The following DACH2 variants were observed in gnomAD, a reference collection of about 807,000 sequenced individuals.
DACH2 encodes dachshund family transcription factor 2, also known as dachshund homolog 2.
Under a neutral mutation model 35.8 loss-of-function variants are expected in DACH2, and 17 were observed. The observed-to-expected ratio is 0.48, with a 90% CI of 0.33 to 0.71. DACH2 has a LOEUF of 0.71. Ranked by LOEUF, DACH2 falls within the 30% of genes least tolerant of loss-of-function variation. DACH2 has a pLI of 0.02. For missense variants in DACH2, 469 were observed against 472.7 expected, an observed-to-expected ratio of 0.99 and a Z score of 0.07; for synonymous variants, 195 against 177.3, an observed-to-expected ratio of 1.10 and a Z score of -0.79.
At chrX:86,474,722 GT>G (rs950645103) in intron 2 of DACH2, among the ~76,000 whole-genome samples, 1 of 111,013 alleles carries the variant, frequency 9.0e-6, no homozygotes, top group Non-Finnish European at 1.9e-5. Context: ...TGTTCTGTTT[GT>G]TTTTTTGTTT....
chrX:86,602,809 G>A (rs1277605582), intron 3 of DACH2, among the ~76,000 whole-genome samples: 1 of 111,084 alleles, frequency 9.0e-6, no homozygotes, highest in Non-Finnish European at 1.9e-5. Flanking sequence ...CCATTCTAAG[G>A]AACAAAACTT....
intron 1 of DACH2, among the ~76,000 whole-genome samples, chrX:86,373,158 A>G (rs141118476): frequency 0.014 from 1,522 of 110,832 alleles, 23 homozygotes; most frequent in African/African-American, 0.046. Context: ...TGTTTTTGGT[A>G]GAAAAATTTA....
At chrX:86,787,045 G>A (rs2042143971) in intron 7 of DACH2, among the ~76,000 whole-genome samples, 1 of 111,700 alleles carries the variant, frequency 9.0e-6, no homozygotes, top group South Asian at 3.7e-4. Flanking sequence ...CTTCTGTCAT[G>A]ATTGTGAGGC....
At chrX:86,591,792 TC>T (rs1171596344) in intron 3 of DACH2, among the ~76,000 whole-genome samples, 2 of 111,186 alleles carry the variant, frequency 1.8e-5, no homozygotes, top group Non-Finnish European at 3.8e-5. Flanking sequence ...CGCCTCAGCC[TC>T]CCAAAGTGCT....
At chrX:86,490,711 T>G (rs1377591774) in intron 2 of DACH2, among the ~76,000 whole-genome samples, 1 of 110,972 alleles carries the variant, frequency 9.0e-6, no homozygotes, top group Non-Finnish European at 1.9e-5. Context: ...AAGTCTGGGA[T>G]AAGGCCTAGG....
At chrX:86,591,821 C>T (rs184262931) in intron 3 of DACH2, among the ~76,000 whole-genome samples, 164 of 111,138 alleles carry the variant, frequency 1.5e-3, no homozygotes, top group Middle Eastern at 4.6e-3. Context: ...TAGGCGTGAA[C>T]CACCGCTCCC....
At chrX:86,208,901 C>A (rs1170970026) in intron 1 of DACH2, among the ~76,000 whole-genome samples, 2 of 111,608 alleles carry the variant, frequency 1.8e-5, no homozygotes, top group African/African-American at 3.3e-5. Flanking sequence ...AGTCCTTCTA[C>A]TATTGCTTTA....
chrX:86,171,711 G>A (rs2748745), intron 1 of DACH2, among the ~76,000 whole-genome samples: 56,462 of 110,262 alleles, frequency 0.51, 12,285 homozygotes, highest in African/African-American at 0.83. Flanking sequence ...ACATGCTGCT[G>A]TTGCTGCTGG....
At chrX:86,245,785 A>C (rs2033268816) in intron 1 of DACH2, among the ~76,000 whole-genome samples, 1 of 112,134 alleles carries the variant, frequency 8.9e-6, no homozygotes, top group African/African-American at 3.2e-5. Context: ...CTTGCCTCCA[A>C]GCAACCACAC....
intron 2 of DACH2, among the ~76,000 whole-genome samples, chrX:86,377,592 A>G (rs751569927): frequency 9.1e-6 from 1 of 110,380 alleles, no homozygotes; most frequent in East Asian, 2.9e-4. Context: ...TGATCCTAAA[A>G]TATATTTTGA....
chrX:86,812,476 A>G (rs12849585), intron 7 of DACH2, among the ~76,000 whole-genome samples: 36,354 of 110,894 alleles, frequency 0.33, 4,820 homozygotes, highest in Non-Finnish European at 0.42. Context: ...TGTTAAAATA[A>G]TCAAGATAAA....
intron 3 of DACH2, among the ~76,000 whole-genome samples, chrX:86,538,329 C>A (rs1444900780): frequency 3.6e-5 from 4 of 111,467 alleles, no homozygotes; most frequent in Non-Finnish European, 3.8e-5. Flanking sequence ...TTCCTTAGCA[C>A]TCTATTTATG....
chrX:86,625,914 G>A (rs966100076), intron 3 of DACH2, among the ~76,000 whole-genome samples: 1 of 110,866 alleles, frequency 9.0e-6, no homozygotes, highest in East Asian at 2.9e-4. Flanking sequence ...ATTTCAGTGG[G>A]GACACAGCCA....
intron 1 of DACH2, among the ~76,000 whole-genome samples, chrX:86,265,319 C>A: frequency 9.0e-6 from 1 of 111,703 alleles, no homozygotes; most frequent in Middle Eastern, 4.6e-3. Context: ...ATATTATATT[C>A]CTAAAAGACC....
At chrX:86,600,896 AAC>A (rs1338411247) in intron 3 of DACH2, among the ~76,000 whole-genome samples, 1 of 111,131 alleles carries the variant, frequency 9.0e-6, no homozygotes, top group Non-Finnish European at 1.9e-5. Flanking sequence ...AGAGAGCAAA[AAC>A]AAAACAAAAC....
chrX:86,370,857 G>C (rs6623658), intron 1 of DACH2, among the ~76,000 whole-genome samples: 18,493 of 110,651 alleles, frequency 0.17, 1,552 homozygotes, highest in African/African-American at 0.31. Context: ...TACCACTAAA[G>C]ATATTTAATG....
intron 2 of DACH2, among the ~76,000 whole-genome samples, chrX:86,459,272 A>G (rs1241449617): frequency 1.8e-5 from 2 of 111,706 alleles, no homozygotes; most frequent in Non-Finnish European, 3.8e-5. Flanking sequence ...ACAGATATTT[A>G]TAGAAGCTGC....
At chrX:86,186,137 C>T (rs958071904) in intron 1 of DACH2, among the ~76,000 whole-genome samples, 2 of 112,640 alleles carry the variant, frequency 1.8e-5, no homozygotes, top group African/African-American at 6.4e-5. Context: ...ACTAACCAAA[C>T]TAATATGTTT....
At chrX:86,602,367 G>C (rs972709762) in intron 3 of DACH2, among the ~76,000 whole-genome samples, 1 of 112,239 alleles carries the variant, frequency 8.9e-6, no homozygotes, top group Admixed American at 9.4e-5. Flanking sequence ...AATACCTTGA[G>C]TACGACTATT....
Sources: gnomAD v4.1 joint callset for allele counts (sites outside exome capture counted in the v4.1 genomes callset) on GRCh38, gnomAD v4.1.1 for gene constraint, MANE v1.5 for transcripts, NCBI Gene and HGNC (gene_info 2026-07-23, HGNC 2026-07-21) for gene names.